The following GXYLT2 variants were observed in gnomAD, a reference collection of about 807,000 sequenced individuals.
The protein encoded by GXYLT2 is glycosyltransferase 8 domain containing 4.
A neutral mutation model predicts 45.8 loss-of-function variants in GXYLT2; 53 were observed. The observed-to-expected ratio is 1.16, with a 90% CI of 0.93 to 1.46. The LOEUF is 1.46. Among genes scored for constraint, GXYLT2 ranks in the 40% most tolerant of loss-of-function variants. GXYLT2 has a pLI of 0.00. For synonymous variants in GXYLT2, 219 were observed against 214.2 expected, an observed-to-expected ratio of 1.02 and a Z score of -0.19; for missense variants, 551 against 544.4, an observed-to-expected ratio of 1.01 and a Z score of -0.12.
chr3:72,927,731 A>G (rs1468246194), intron 3 of GXYLT2, among the ~76,000 whole-genome samples: 2 of 152,214 alleles, frequency 1.3e-5, no homozygotes, highest in Non-Finnish European at 2.9e-5. Flanking sequence ...TTCATCAAGC[A>G]CCAAGAGGCC....
In GXYLT2 at chr3:72,942,058, G is replaced by C. The variant is rs1710312135; in HGVS notation, c.601-13040G>C. ...TTAACCTTATGGTGCCAGAAGGTAA[G>C]GATGTGCTAAAAAATATTTTTTAAT... On this transcript the variant is annotated intron_variant, in intron 3 of 6. Transcript: ENST00000389617. Among the ~76,000 whole-genome samples the C allele has an allele frequency of 2.0e-5, 3 of 152,012 alleles. No homozygotes were observed. The South Asian group carries it at 6.2e-4, about 31-fold the overall frequency.
At position 72,967,548 on chromosome 3, in the gene GXYLT2, G is replaced by A; in HGVS notation, c.978G>A (p.Glu326=). The change falls in exon 6 of 7, where the codon GAG becomes GAA. Residue 326 remains glutamate, a splice_region_variant and synonymous_variant. Coordinates refer to ENST00000389617, the MANE Select transcript of GXYLT2 (RefSeq NM_001080393.2). ...ATGTCTTTCTCTTTTTACCACCAGA[G>A]TGTCTCTATGTATTCCCCTGCCAGT... ...LLNIIFYFNP[E]CLYVFPCQWN... is the part of the protein sequence containing the mutation. 6.2e-7 allele frequency: 1 copy of A among 1,612,910 alleles called. No homozygotes were observed. The highest frequency in any genetic ancestry group is 8.5e-7 in the Non-Finnish European group (1 of 1,179,156).
In GXYLT2 at chr3:72,955,131, G is replaced by A. The variant is rs960984063; in HGVS notation, c.634G>A (p.Val212Met). 9 of 1,613,766 alleles carry A rather than the reference G, an allele frequency of 5.6e-6. No individual in the cohort carries two copies. Among genetic ancestry groups the A allele is most frequent in the African/African-American group, 4.0e-5 (3 of 74,884 alleles). ...ILKDVDSLLY[V>M]DTDVLFLRPV... Reference sequence around the variant, plus strand: ...AAAGGATGTGGACTCACTTCTCTACGTGGACACCGATGTCCTCTTTCTGAG... The same window carrying A: ...AAAGGATGTGGACTCACTTCTCTACATGGACACCGATGTCCTCTTTCTGAG... The change falls in exon 4 of 7, where the codon GTG becomes ATG. Residue 212 changes from valine (V) to methionine (M), a missense_variant. Physicochemically the swap from Val to Met is conservative, Grantham distance 21 (BLOSUM62 1). Coordinates refer to ENST00000389617, the MANE Select transcript of GXYLT2 (RefSeq NM_001080393.2).
chr3:72,942,416 A>G (rs970502960), intron 3 of GXYLT2, among the ~76,000 whole-genome samples: 1 of 152,186 alleles, frequency 6.6e-6, no homozygotes, highest in African/African-American at 2.4e-5. Context: ...TACTGCGGGT[A>G]AGATCTACCT....
At chr3:72,926,661 T>C (rs1021367150) in intron 3 of GXYLT2, among the ~76,000 whole-genome samples, 3 of 152,214 alleles carry the variant, frequency 2.0e-5, no homozygotes, top group African/African-American at 7.2e-5. Flanking sequence ...TACATTTTGC[T>C]ACACGCTGTG....
intron 3 of GXYLT2, among the ~76,000 whole-genome samples, chr3:72,923,787 TC>T (rs1486941766): frequency 1.3e-5 from 2 of 152,168 alleles, no homozygotes; most frequent in African/African-American, 2.4e-5. Flanking sequence ...TAGAAGGTTC[TC>T]CTGAGGCAGT....
intron 3 of GXYLT2, among the ~76,000 whole-genome samples, chr3:72,936,740 GA>G (rs1362642712): frequency 6.6e-6 from 1 of 152,136 alleles, no homozygotes; most frequent in Non-Finnish European, 1.5e-5. Context: ...TACAGAGAGG[GA>G]AAGTATTGCT....
chr3:72,932,770 CAA>C (rs1710065309), intron 3 of GXYLT2, among the ~76,000 whole-genome samples: 1 of 152,206 alleles, frequency 6.6e-6, no homozygotes, highest in Non-Finnish European at 1.5e-5. Flanking sequence ...AGATAATATA[CAA>C]AGTGTGGCCT....
intron 1 of GXYLT2, among the ~76,000 whole-genome samples, chr3:72,890,177 G>T (rs1709157001): frequency 6.6e-6 from 1 of 151,976 alleles, no homozygotes; most frequent in Non-Finnish European, 1.5e-5. Flanking sequence ...CTTTCCCAAA[G>T]TGCTAGGATT....
intron 5 of GXYLT2, among the ~76,000 whole-genome samples, chr3:72,965,418 G>T (rs1710847238): frequency 6.6e-6 from 1 of 152,084 alleles, no homozygotes; most frequent in African/African-American, 2.4e-5. Context: ...AATGGTGGTG[G>T]TGTTACTGAT....
chr3:72,906,411 A>C (rs1355075980), intron 1 of GXYLT2, among the ~76,000 whole-genome samples: 1 of 152,046 alleles, frequency 6.6e-6, no homozygotes, highest in African/African-American at 2.4e-5. Context: ...TGTAGGGAAT[A>C]TACTGCCCCA....
At chr3:72,902,978 C>T (rs1011875170) in intron 1 of GXYLT2, among the ~76,000 whole-genome samples, 1 of 152,180 alleles carries the variant, frequency 6.6e-6, no homozygotes, top group East Asian at 1.9e-4. Context: ...CACCATTGCA[C>T]TCCAGCCTTT....
intron 2 of GXYLT2, among the ~76,000 whole-genome samples, chr3:72,921,833 C>G (rs918899747): frequency 1.3e-5 from 2 of 152,026 alleles, no homozygotes; most frequent in Non-Finnish European, 2.9e-5. Flanking sequence ...GGGTTTTTTT[C>G]CTCTTCCAAG....
chr3:72,904,852 C>T (rs1575779446), intron 1 of GXYLT2, among the ~76,000 whole-genome samples: 2 of 128,986 alleles, frequency 1.6e-5, no homozygotes, highest in South Asian at 2.4e-4. Flanking sequence ...ACCAGCCTGG[C>T]AAAACCCCAT....
intron 3 of GXYLT2, among the ~76,000 whole-genome samples, chr3:72,953,721 A>G (rs1215046028): frequency 6.6e-6 from 1 of 152,158 alleles, no homozygotes; most frequent in East Asian, 1.9e-4. Context: ...TTAGAGGAAA[A>G]AGGTTGCCGC....
chr3:72,946,947 C>T (rs778153564), intron 3 of GXYLT2, among the ~76,000 whole-genome samples: 20 of 152,048 alleles, frequency 1.3e-4, no homozygotes, highest in Non-Finnish European at 2.2e-4. Flanking sequence ...CTTCAGCCTC[C>T]GAAGTAGCTA....
intron 3 of GXYLT2, chr3:72,929,023 C>T (rs1709974285): frequency 1.4e-6 from 2 of 1,435,402 alleles, no homozygotes; most frequent in Admixed American, 1.7e-5. Context: ...GCCACCGCCG[C>T]CTCTCCTTAG....
intron 3 of GXYLT2, among the ~76,000 whole-genome samples, chr3:72,927,414 T>C (rs576261987): frequency 1.3e-5 from 2 of 152,354 alleles, no homozygotes; most frequent in African/African-American, 4.8e-5. Flanking sequence ...TACTTACGGC[T>C]TGTTAAAGAG....
chr3:72,943,387 T>G (rs1710336078), intron 3 of GXYLT2, among the ~76,000 whole-genome samples: 1 of 151,922 alleles, frequency 6.6e-6, no homozygotes, highest in African/African-American at 2.4e-5. Context: ...TCCTTTTTTT[T>G]TTTTTTGGAG....
Sources: gnomAD v4.1 joint callset for allele counts (sites outside exome capture counted in the v4.1 genomes callset) on GRCh38, gnomAD v4.1.1 for gene constraint, MANE v1.5 for transcripts, NCBI Gene and HGNC (gene_info 2026-07-23, HGNC 2026-07-21) for gene names.